Variants in DCUN1D4 observed in about 807,000 individuals in gnomAD.
DCUN1D4 encodes DCN1-like protein 4.
A neutral mutation model predicts 47.9 loss-of-function variants in DCUN1D4; 22 were observed. That is an observed-to-expected ratio of 0.46 (90% CI 0.33 to 0.66). The LOEUF (loss-of-function observed/expected upper bound fraction) is 0.66. DCUN1D4 is among the 30% of genes least tolerant of loss of function. The pLI, the probability that DCUN1D4 is intolerant of heterozygous loss-of-function variation, is 0.02. For missense variants in DCUN1D4, 301 were observed against 340.8 expected (o/e 0.88, Z 0.92); for synonymous variants, 121 against 112.2 (o/e 1.08, Z -0.50).
intron 1 of DCUN1D4, among the ~76,000 whole-genome samples, chr4:51,844,658 G>A (rs555773101): frequency 1.3e-5 from 2 of 151,516 alleles, no homozygotes; most frequent in Non-Finnish European, 3.0e-5. Flanking sequence ...CCTAGGCCGC[G>A]CCCCACGCCC....
the DCUN1D4 span, among the ~76,000 whole-genome samples, chr4:51,835,831 C>G: frequency 6.6e-6 from 1 of 152,258 alleles, no homozygotes; most frequent in South Asian, 2.1e-4. Context: ...CTGTTTGGAG[C>G]TGGAATTGGG....
At chr4:51,911,410 T>G (rs1351813939) in intron 9 of DCUN1D4, among the ~76,000 whole-genome samples, 1 of 152,182 alleles carries the variant, frequency 6.6e-6, no homozygotes, top group African/African-American at 2.4e-5. Context: ...CAGCCACAGC[T>G]CTGTCCTTTT....
chr4:51,874,036 A>G (rs907302409), intron 3 of DCUN1D4, among the ~76,000 whole-genome samples: 9 of 152,158 alleles, frequency 5.9e-5, no homozygotes, highest in South Asian at 2.1e-4. Flanking sequence ...AATAACTTCT[A>G]TTTCTGGTGT....
chr4:51,839,141 GGGAA>G (rs199949836), upstream of DCUN1D4, among the ~76,000 whole-genome samples: 5,207 of 147,208 alleles, frequency 0.035, 310 homozygotes, highest in African/African-American at 0.12. Flanking sequence ...GAATGAGGGA[GGGAA>G]GGAAGGAAGG....
intron 2 of DCUN1D4, 55 bp from the exon 3 acceptor site, chr4:51,863,615 A>T (rs1725431625): frequency 1.9e-6 from 3 of 1,597,670 alleles, no homozygotes; most frequent in Non-Finnish European, 2.6e-6. Context: ...TCAGTTGTTT[A>T]TGAAAATGCT....
In DCUN1D4 at chr4:51,850,810, G is replaced by A. The variant is rs567788213; in HGVS notation, c.25+7543G>A. 2.0e-5 allele frequency among the ~76,000 whole-genome samples: 3 copies of A among 152,252 alleles called. No homozygotes were observed. In the South Asian group the frequency reaches 6.2e-4, roughly 32 times the overall value. ...ATTTTAAATAGTGGAGCCAGGAAAG[G>A]CTTCACTAAGGAGGTTTTAAGCTAA... On this transcript the variant is annotated intron_variant, in intron 1 of 10. Transcript: ENST00000334635.
At chr4:51,834,854 G>T in the DCUN1D4 span, among the ~76,000 whole-genome samples, 1 of 152,168 alleles carries the variant, frequency 6.6e-6, no homozygotes, top group African/African-American at 2.4e-5. Flanking sequence ...AAGTCGCATT[G>T]CTTGTAACTA....
chr4:51,843,977 G>T (rs1560443190), intron 1 of DCUN1D4, among the ~76,000 whole-genome samples: 1 of 150,728 alleles, frequency 6.6e-6, no homozygotes. Flanking sequence ...TGGAAGGGCG[G>T]TGGGTAACGG....
chr4:51,910,082 C>T (rs1733496002), intron 8 of DCUN1D4, among the ~76,000 whole-genome samples: 1 of 152,158 alleles, frequency 6.6e-6, no homozygotes, highest in African/African-American at 2.4e-5. Flanking sequence ...TTAGATTCCA[C>T]TGCACTGGGC....
At chr4:51,842,120 T>G, upstream of DCUN1D4, among the ~76,000 whole-genome samples, 1 of 152,272 alleles carries the variant, frequency 6.6e-6, no homozygotes, top group South Asian at 2.1e-4. Flanking sequence ...ATTCTTGACT[T>G]AGGGTCAGAA....
intron 3 of DCUN1D4, among the ~76,000 whole-genome samples, chr4:51,870,754 T>TGG (rs897232735): frequency 9.8e-5 from 15 of 152,312 alleles, no homozygotes; most frequent in African/African-American, 3.6e-4. Context: ...CTGCAACCAT[T>TGG]GGGGGAGCAG....
At chr4:51,842,910 G>T, upstream of DCUN1D4, 1 of 498,314 alleles carries the variant, frequency 2.0e-6, no homozygotes, top group Non-Finnish European at 3.0e-6. Context: ...GGGGGTGACT[G>T]ACAGCAGCCG....
chr4:51,893,198 C>A (rs982901674), intron 7 of DCUN1D4, among the ~76,000 whole-genome samples: 20 of 152,146 alleles, frequency 1.3e-4, no homozygotes, highest in African/African-American at 4.6e-4. Context: ...TTCCTTCTAA[C>A]AATATTATCT....
upstream of DCUN1D4, among the ~76,000 whole-genome samples, chr4:51,842,505 T>C (rs1721762959): frequency 6.6e-6 from 1 of 152,168 alleles, no homozygotes. Flanking sequence ...GAAATGGAAA[T>C]TTGCTCCCCA....
chr4:51,854,101 T>A (rs1723777485), intron 1 of DCUN1D4, among the ~76,000 whole-genome samples: 1 of 152,206 alleles, frequency 6.6e-6, no homozygotes, highest in Non-Finnish European at 1.5e-5. Context: ...AGATTTACAG[T>A]ATAGAAAACA....
chr4:51,915,044 A>C lies in DCUN1D4; in HGVS notation c.*1460A>C, dbSNP rs1001721036. The C allele has an allele frequency of 2.0e-5, 3 of 152,456 alleles. No individual in the cohort carries two copies. Among genetic ancestry groups the C allele is most frequent in the African/African-American group, 7.2e-5 (3 of 41,434 alleles). 9.4% of individuals were successfully genotyped at this position (152,456 alleles called of 1,614,324 possible). On this transcript the variant is annotated 3_prime_UTR_variant, in exon 11 of 11. Coordinates refer to ENST00000334635, the MANE Select transcript of DCUN1D4 (RefSeq NM_001040402.3). ...ATTTGAACATGTGATGACTGGAAAA[A>C]GGTTTGGGTTATTTGGAACTCTGGC... is the stretch of plus-strand genomic sequence containing the variant.
rs1292044777 is a variant in DCUN1D4 at position 51,911,055 on chromosome 4, T to C, written c.616-15T>C. On this transcript the variant is annotated splice_polypyrimidine_tract_variant and intron_variant, in intron 8 of 10. Coordinates refer to ENST00000334635, the MANE Select transcript of DCUN1D4 (RefSeq NM_001040402.3). ...GGGGGCATCTGGCTCATCCTTGTTT[T>C]TGTTTGTTAAACAGGAAAAGGACCA... 1.9e-6 allele frequency: 3 copies of C among 1,612,636 alleles called. No homozygotes were observed. In the African/African-American group the frequency reaches 4.0e-5, roughly 22 times the overall value.
intron 1 of DCUN1D4, chr4:51,848,262 G>A (rs758995987): frequency 1.9e-5 from 24 of 1,289,260 alleles, no homozygotes; most frequent in Non-Finnish European, 2.3e-5. Context: ...TAAAATGCTG[G>A]TGATGTGCTG....
chr4:51,860,787 C>T, intron 1 of DCUN1D4: 1 of 319,392 alleles, frequency 3.1e-6, no homozygotes, highest in Non-Finnish European at 6.3e-6. Flanking sequence ...CACCAGGCCC[C>T]ACCTCTGGCA....
Sources: gnomAD v4.1 joint callset for allele counts (sites outside exome capture counted in the v4.1 genomes callset) on GRCh38, gnomAD v4.1.1 for gene constraint, MANE v1.5 for transcripts, NCBI Gene and HGNC (gene_info 2026-07-23, HGNC 2026-07-21) for gene names.